Variants in KRI1 observed in about 807,000 individuals in gnomAD.
KRI1 encodes the protein protein KRI1 homolog.
In KRI1, 83 loss-of-function variants were observed where a neutral mutation model predicts 97.0. The observed-to-expected ratio is 0.86, with a 90% confidence interval of 0.72 to 1.03. KRI1 has a LOEUF of 1.03. Among genes scored for constraint, KRI1 ranks in the 50% least tolerant of loss-of-function variants. The pLI is 0.00. For missense variants in KRI1, 916 were observed against 928.4 expected (o/e 0.99, Z 0.17); for synonymous variants, 371 against 363.5 (o/e 1.02, Z -0.23).
chr19:10,554,866 A>G (rs533656571), intron 18 of KRI1, among the ~76,000 whole-genome samples: 4 of 152,276 alleles, frequency 2.6e-5, no homozygotes, highest in African/African-American at 7.2e-5. Context: ...TTGATAAGGC[A>G]GAACCGTCTC....
chr19:10,563,644 G>C (rs1916766698), intron 3 of KRI1, among the ~76,000 whole-genome samples: 1 of 151,928 alleles, frequency 6.6e-6, no homozygotes, highest in South Asian at 2.1e-4. Flanking sequence ...ACCATGCCCA[G>C]CCTGATTAAT....
At chr19:10,558,959 C>G (rs531963481) in intron 12 of KRI1, among the ~76,000 whole-genome samples, 37 of 151,776 alleles carry the variant, frequency 2.4e-4, no homozygotes, top group Non-Finnish European at 4.9e-4. Context: ...CCTGCCTCGG[C>G]CTCCCAAAGT....
At chr19:10,554,548 G>C (rs1446975490) in intron 18 of KRI1, among the ~76,000 whole-genome samples, 1 of 152,000 alleles carries the variant, frequency 6.6e-6, no homozygotes, top group Non-Finnish European at 1.5e-5. Context: ...ACTCATTTTA[G>C]CCTTTTTCTT....
At chr19:10,562,470 C>A (rs1034868413) in intron 4 of KRI1, among the ~76,000 whole-genome samples, 4 of 152,178 alleles carry the variant, frequency 2.6e-5, no homozygotes, top group Admixed American at 2.6e-4. Flanking sequence ...TCCTGAGTAG[C>A]TGGGACTACA....
chr19:10,555,592 T>C (rs889820368), intron 16 of KRI1, among the ~76,000 whole-genome samples: 3 of 152,184 alleles, frequency 2.0e-5, no homozygotes, highest in African/African-American at 7.2e-5. Context: ...GTTGGCTGAA[T>C]TGATTCCAGT....
intron 7 of KRI1, 27 bp from the exon 8 acceptor site, chr19:10,561,107 C>A: frequency 1.9e-6 from 3 of 1,611,028 alleles, no homozygotes; most frequent in African/African-American, 1.3e-5. Context: ...ACTGAGCATC[C>A]GCAGATGCCC....
rs1244364160 is a variant in KRI1 at position 10,564,965 on chromosome 19, T to C, written c.238A>G (p.Ile80Val). ...LSLLKKKDPR[I>V]YQKDATFYNR... ...TAGAAGGTGGCATCTTTCTGATAAA[T>C]GCGGGGGTCCTTCTTCTTCAACAAG... Residue 80 changes from isoleucine (I) to valine (V), a missense_variant, in exon 3 of 19, where the codon ATT becomes GTT. Ile to Val is a conservative substitution (Grantham distance 29). This residue lies in a region of KRI1 where 173 missense variants were observed against 153.1 expected (regional missense o/e 1.13). Coordinates refer to ENST00000312962, the MANE Select transcript of KRI1 (RefSeq NM_023008.5). 6.2e-7 allele frequency: 1 copy of C among 1,613,848 alleles called. No homozygotes were observed. The highest frequency in any genetic ancestry group is 1.1e-5 in the South Asian group (1 of 91,082).
intron 16 of KRI1, among the ~76,000 whole-genome samples, chr19:10,556,483 T>C (rs1916503429): frequency 6.6e-6 from 1 of 150,940 alleles, no homozygotes; most frequent in African/African-American, 2.5e-5. Context: ...GCCTGGCCAA[T>C]ATGGTAAAAC....
chr19:10,559,009 C>CTT (rs34402779), intron 12 of KRI1, among the ~76,000 whole-genome samples: 1 of 143,300 alleles, frequency 7.0e-6, no homozygotes, highest in Non-Finnish European at 1.5e-5. Context: ...CCGGCCAGGT[C>CTT]TTTTTTTTTT....
Position 10,553,235 on chromosome 19 carries a change from GC to G in KRI1, c.*715del, listed in dbSNP as rs1916362176. The G allele has an allele frequency of 5.7e-6, 5 of 874,492 alleles. No homozygotes were observed. The South Asian group carries it at 7.9e-5, about 14-fold the overall frequency. The allele number at this position is 874,492 out of a possible 1,614,324, so 54.2% of individuals were successfully genotyped here. On this transcript the variant is annotated 3_prime_UTR_variant, in exon 19 of 19. Coordinates refer to ENST00000312962, the MANE Select transcript of KRI1 (RefSeq NM_023008.5). ...TTCAGCCAGGGACAGAGCCCACAGA[GC>G]CCATACACCTGTCTCCCACCAGCGG...
Position 10,563,273 on chromosome 19 carries a change from C to G in KRI1, c.275-436G>C, listed in dbSNP as rs545695775. Among the ~76,000 whole-genome samples, 3 of 151,796 alleles carry G rather than the reference C, an allele frequency of 2.0e-5. 1 individual carries two copies. Among genetic ancestry groups the G allele is most frequent in the African/African-American group, 7.3e-5 (3 of 41,338 alleles). ...GTTTCTCCATGTTGGTCAGGTTGGT[C>G]TCGAACTCCTGACCTCAGGTGATTT... On this transcript the variant is annotated intron_variant, in intron 3 of 18. Coordinates refer to ENST00000312962, the MANE Select transcript of KRI1 (RefSeq NM_023008.5).
In KRI1 at chr19:10,561,762, C is replaced by A. The variant is rs780991597; in HGVS notation, c.438+29G>T. On this transcript the variant is annotated intron_variant, in intron 5 of 18. Coordinates refer to ENST00000312962, the MANE Select transcript of KRI1 (RefSeq NM_023008.5). The stretch of plus-strand genomic sequence containing the variant: ...CTCAGGCCAGCCCCAGGCCCCTCAG[C>A]CCCCCGACCCAGCCTTCACCCCACC... 6 of 1,613,864 alleles carry A rather than the reference C, an allele frequency of 3.7e-6. No individual in the cohort carries two copies. The East Asian group carries it at 1.3e-4, about 36-fold the overall frequency.
chr19:10,564,495 T>C (rs149618710), intron 3 of KRI1, among the ~76,000 whole-genome samples: 381 of 151,770 alleles, frequency 2.5e-3, no homozygotes, highest in African/African-American at 8.7e-3. Context: ...TCTTGCTATG[T>C]TGGCCAAACT....
chr19:10,553,549 T>G lies in KRI1; in HGVS notation c.*402A>C, dbSNP rs1039784905. 5.4e-6 allele frequency: 1 copy of G among 185,808 alleles called. No homozygotes were observed. The highest frequency in any genetic ancestry group is 1.1e-5 in the Non-Finnish European group (1 of 90,792). The allele number at this position is 185,808 out of a possible 1,614,324, so 11.5% of individuals were successfully genotyped here. ...ACATCCATAAAATGGGACGACTTCCTTACCCACAGCTACACGTGTTTTTTA... is the reference window on the plus strand; with the variant it reads ...ACATCCATAAAATGGGACGACTTCCGTACCCACAGCTACACGTGTTTTTTA... On this transcript the variant is annotated 3_prime_UTR_variant, in exon 19 of 19. Transcript: ENST00000312962.
At position 10,560,985 on chromosome 19, in the gene KRI1, C is replaced by A. The variant is rs201320180; in HGVS notation, c.663+18G>T. 43 of 1,595,576 alleles carry A rather than the reference C, an allele frequency of 2.7e-5. No homozygotes were observed. In the East Asian group the frequency reaches 9.4e-4, roughly 35 times the overall value. ...AACACGCGGTCTACTCCATCAGCGA[C>A]CATGCGTGAGAACTCACCAGTTCCT... On this transcript the variant is annotated intron_variant, in intron 8 of 18. Coordinates refer to ENST00000312962, the MANE Select transcript of KRI1 (RefSeq NM_023008.5).
intron 3 of KRI1, among the ~76,000 whole-genome samples, chr19:10,563,909 C>A (rs1916774041): frequency 6.6e-6 from 1 of 151,886 alleles, no homozygotes; most frequent in Non-Finnish European, 1.5e-5. Flanking sequence ...TTTGGGAGGC[C>A]AAGGCGGATG....
In KRI1 at chr19:10,557,661, T is replaced by C; in HGVS notation, c.1508A>G (p.Tyr503Cys). ...GTCCAGCCGGTAATACTCATCCAGG[T>C]ACTCCTCGAACGTCTTGTCCCCTGC... ...FEPGDKTFEE[Y>C]LDEYYRLDYE... is the part of the protein sequence containing the mutation. The change falls in exon 16 of 19, where the codon TAC becomes TGC. Residue 503 changes from tyrosine to cysteine, a missense_variant. This residue lies in a region of KRI1 where 672 missense variants were observed against 667.2 expected (regional missense o/e 1.01). Transcript: ENST00000312962. 6.2e-7 allele frequency: 1 copy of C among 1,614,146 alleles called. No individual in the cohort carries two copies. Among genetic ancestry groups the C allele is most frequent in the Non-Finnish European group, 8.5e-7 (1 of 1,180,014 alleles).
At position 10,554,051 on chromosome 19, in the gene KRI1, C is replaced by T. The variant is rs778912596; in HGVS notation, c.2012G>A (p.Arg671His). 17 of 1,614,048 alleles carry T rather than the reference C, an allele frequency of 1.1e-5. No individual in the cohort carries two copies. The East Asian group carries it at 1.3e-4, about 13-fold the overall frequency. ...GAGGCCAAAGGCCTGCAGTCTCTGG[C>T]GGCTGAACTCGCATCCACCAAGCAT... ...TVMLGGCEFS[R>H]QRLQAFGLNP... is the part of the protein sequence containing the mutation. The change falls in exon 19 of 19, where the codon CGC becomes CAC. Residue 671 changes from arginine to histidine, a missense_variant. Transcript: ENST00000312962.
Position 10,558,187 on chromosome 19 carries a change from A to G in KRI1, c.1247T>C (p.Phe416Ser). ...ACCTTCAAGCCCTTCTTCTTCCTCA[A>G]ATTGTGGCTTCTCCTCCTCCACGGC... ...YGAVEEEKPQFEEEEGLEDDW... is the reference protein window; with the variant it reads ...YGAVEEEKPQSEEEEGLEDDW... The change falls in exon 13 of 19, where the codon TTT becomes TCT. Residue 416 changes from phenylalanine to serine, a missense_variant. By Grantham distance (155) the Phe-to-Ser change is radical. Around this residue, in one of 3 missense-constraint regions of KRI1, gnomAD observed 672 missense variants for 667.2 expected, o/e 1.01. Coordinates refer to ENST00000312962, the MANE Select transcript of KRI1 (RefSeq NM_023008.5). The G allele has an allele frequency of 6.2e-7, 1 of 1,613,828 alleles. No homozygotes were observed. Among genetic ancestry groups the G allele is most frequent in the Non-Finnish European group, 8.5e-7 (1 of 1,179,952 alleles).
Sources: allele counts gnomAD v4.1 joint callset (sites outside exome capture counted in the v4.1 genomes callset), GRCh38; gene constraint gnomAD v4.1.1; regional missense constraint gnomAD v4.1.1; transcripts MANE v1.5; gene names NCBI Gene and HGNC (gene_info 2026-07-23, HGNC 2026-07-21).